Variants in SLC4A4 observed in about 807,000 individuals in gnomAD.
SLC4A4 encodes electrogenic sodium bicarbonate cotransporter 1.
SLC4A4 carries 27 observed loss-of-function variants against 111.5 expected under a neutral mutation model. That is an observed-to-expected ratio of 0.24 (90% CI 0.18 to 0.33). SLC4A4 has a LOEUF of 0.33. SLC4A4 is among the 10% of genes least tolerant of loss of function. The pLI is 1.00. For missense variants in SLC4A4, 909 were observed against 1,315.5 expected, an observed-to-expected ratio of 0.69 and a Z score of 4.78; for synonymous variants, 443 against 463.4, an observed-to-expected ratio of 0.96 and a Z score of 0.57.
chr4:71,156,168 G>A (rs1429984424), intron 2 of SLC4A4, among the ~76,000 whole-genome samples: 1 of 152,176 alleles, frequency 6.6e-6, no homozygotes, highest in African/African-American at 2.4e-5. Flanking sequence ...ATTCCACAGG[G>A]TGCCGCCAAG....
intron 1 of SLC4A4, among the ~76,000 whole-genome samples, chr4:71,084,429 G>T (rs755179908): frequency 6.6e-6 from 1 of 151,856 alleles, no homozygotes; most frequent in Non-Finnish European, 1.5e-5. Context: ...TATACTTTAA[G>T]TTTTAGGGTA....
intron 6 of SLC4A4, among the ~76,000 whole-genome samples, chr4:71,386,582 T>C (rs947377059): frequency 6.6e-6 from 1 of 151,748 alleles, no homozygotes; most frequent in Non-Finnish European, 1.5e-5. Context: ...TTGAGGTTTT[T>C]TCTTTTCTTT....
intron 7 of SLC4A4, among the ~76,000 whole-genome samples, chr4:71,424,866 G>A (rs1054780395): frequency 3.0e-4 from 46 of 152,082 alleles, no homozygotes; most frequent in African/African-American, 1.1e-3. Flanking sequence ...GGGAGGGATA[G>A]CATTGGGAGA....
intron 2 of SLC4A4, among the ~76,000 whole-genome samples, chr4:71,246,296 T>C (rs553290145): frequency 6.6e-6 from 1 of 151,968 alleles, no homozygotes; most frequent in South Asian, 2.1e-4. Flanking sequence ...TTGGTAGGAG[T>C]TGGAATAACT....
At chr4:71,222,957 T>C (rs547841623) in intron 1 of SLC4A4, among the ~76,000 whole-genome samples, 1 of 152,228 alleles carries the variant, frequency 6.6e-6, no homozygotes, top group South Asian at 2.1e-4. Context: ...GGCCAAGTGG[T>C]GAGCCGAGGC....
At chr4:71,423,683 G>T (rs907357795) in intron 7 of SLC4A4, among the ~76,000 whole-genome samples, 1 of 152,062 alleles carries the variant, frequency 6.6e-6, no homozygotes, top group Non-Finnish European at 1.5e-5. Flanking sequence ...CAGAAATAAC[G>T]CCGCATATCT....
At position 71,377,218 on chromosome 4, in the gene SLC4A4, ACTTCTTTGTGT is replaced by A. The variant is rs1732493593; in HGVS notation, c.730+20034_730+20044del. On this transcript the variant is annotated intron_variant, in intron 6 of 25. Coordinates refer to ENST00000264485, the MANE Select transcript of SLC4A4 (RefSeq NM_001098484.3). ...GAGACCAAAAAGTTTGATAACTGCT[ACTTCTTTGTGT>A]CTGGCAGAATGCCTTATACATAGCA... is the stretch of plus-strand genomic sequence containing the variant. Among the ~76,000 whole-genome samples the A allele has an allele frequency of 4.6e-5, 7 of 152,338 alleles. No individual in the cohort carries two copies. The South Asian group carries it at 1.5e-3, about 32-fold the overall frequency.
At chr4:71,096,447 A>G (rs953126785) in intron 2 of SLC4A4, among the ~76,000 whole-genome samples, 3 of 152,170 alleles carry the variant, frequency 2.0e-5, no homozygotes, top group African/African-American at 7.2e-5. Flanking sequence ...TGAATCGCAG[A>G]AGTGAAAGGA....
At chr4:71,167,308 A>G (rs1164291914) in intron 2 of SLC4A4, among the ~76,000 whole-genome samples, 1 of 152,188 alleles carries the variant, frequency 6.6e-6, no homozygotes, top group African/African-American at 2.4e-5. Context: ...TTTCTTATAC[A>G]GCAGCTCAAG....
chr4:71,360,401 T>A (rs771753045), intron 6 of SLC4A4, among the ~76,000 whole-genome samples: 2 of 152,162 alleles, frequency 1.3e-5, no homozygotes, highest in African/African-American at 2.4e-5. Context: ...ATGCTAATAA[T>A]GTAGATTACA....
chr4:71,147,558 GA>G (rs1016142542), intron 2 of SLC4A4, among the ~76,000 whole-genome samples: 46 of 152,140 alleles, frequency 3.0e-4, no homozygotes, highest in African/African-American at 1.1e-3. Context: ...AGTGCTCTAT[GA>G]TGGAGTACAG....
Position 71,571,687 on chromosome 4 carries a change from T to A in SLC4A4, c.*3936T>A, listed in dbSNP as rs1737941890. On this transcript the variant is annotated 3_prime_UTR_variant, in exon 26 of 26. Transcript: ENST00000264485. Reference sequence around the variant, plus strand: ...GTAACTTTGTCCCAGTCCTACAATGTGAAAAGAGTGAATAGTTGCCTCTTT... The same window carrying A: ...GTAACTTTGTCCCAGTCCTACAATGAGAAAAGAGTGAATAGTTGCCTCTTT... 1 of 152,286 alleles carries A rather than the reference T, an allele frequency of 6.6e-6. No individual in the cohort carries two copies. Among genetic ancestry groups the A allele is most frequent in the Admixed American group, 6.6e-5 (1 of 15,196 alleles). The allele number at this position is 152,286 out of a possible 1,614,324, so 9.4% of individuals were successfully genotyped here. A position where few individuals can be genotyped will look rare whatever the true frequency, so the allele number is the denominator to read the frequency against.
At chr4:71,203,678 T>C (rs982520015) in intron 1 of SLC4A4, among the ~76,000 whole-genome samples, 2 of 152,174 alleles carry the variant, frequency 1.3e-5, no homozygotes, top group African/African-American at 2.4e-5. Context: ...CAGAACATAT[T>C]GTAAGAAGGA....
chr4:71,393,762 A>G (rs1719531340), intron 6 of SLC4A4, among the ~76,000 whole-genome samples: 1 of 152,192 alleles, frequency 6.6e-6, no homozygotes, highest in South Asian at 2.1e-4. Flanking sequence ...ATTTCAAACT[A>G]TATTAAAAGG....
At chr4:71,227,901 A>G (rs1443255714) in intron 1 of SLC4A4, among the ~76,000 whole-genome samples, 1 of 152,170 alleles carries the variant, frequency 6.6e-6, no homozygotes, top group Non-Finnish European at 1.5e-5. Context: ...TGTTGGAAGG[A>G]CAAAGTATTT....
intron 14 of SLC4A4, among the ~76,000 whole-genome samples, chr4:71,476,106 G>A (rs1423912292): frequency 6.6e-6 from 1 of 151,724 alleles, no homozygotes; most frequent in Non-Finnish European, 1.5e-5. Context: ...GCAGTGGATA[G>A]TTATTTGCAC....
intron 2 of SLC4A4, among the ~76,000 whole-genome samples, chr4:71,150,606 A>C (rs922523292): frequency 2.0e-5 from 3 of 152,200 alleles, no homozygotes; most frequent in African/African-American, 7.2e-5. Context: ...CAAGCAGAAA[A>C]GATGATTTAA....
chr4:71,293,803 G>A lies in SLC4A4; in HGVS notation c.253+38404G>A, dbSNP rs1578771646. ...AACTATTTTTCTTTCCACCTCATGT[G>A]TTTTGAACTTTCAGGGCATATATTA... On this transcript the variant is annotated intron_variant, in intron 3 of 25. Coordinates refer to ENST00000264485, the MANE Select transcript of SLC4A4 (RefSeq NM_001098484.3). Among the ~76,000 whole-genome samples, 4 of 152,236 alleles carry A rather than the reference G, an allele frequency of 2.6e-5. 1 individual carries two copies. Among genetic ancestry groups the A allele is most frequent in the Admixed American group, 2.6e-4 (4 of 15,278 alleles).
intron 15 of SLC4A4, among the ~76,000 whole-genome samples, chr4:71,493,270 C>G (rs1411056478): frequency 2.0e-5 from 3 of 151,930 alleles, no homozygotes; most frequent in Admixed American, 6.6e-5. Flanking sequence ...ACTGAAAATA[C>G]TATTTGTTGT....
Sources: gnomAD v4.1 joint callset for allele counts (sites outside exome capture counted in the v4.1 genomes callset) on GRCh38, gnomAD v4.1.1 for gene constraint, MANE v1.5 for transcripts, NCBI Gene and HGNC (gene_info 2026-07-23, HGNC 2026-07-21) for gene names.